MRPL43: variants seen among roughly 807,000 people sequenced by gnomAD.
MRPL43 encodes the protein mitochondrial ribosomal protein L43, also known as large ribosomal subunit protein mL43.
MRPL43 carries 9 observed loss-of-function variants against 12.7 expected under a neutral mutation model. That is an observed-to-expected ratio of 0.71 (90% CI 0.43 to 1.24). MRPL43 has a LOEUF of 1.24. Among genes scored for constraint, MRPL43 ranks in the 50% most tolerant of loss-of-function variants. The pLI, the probability that MRPL43 is intolerant of heterozygous loss-of-function variation, is 0.00. For synonymous variants in MRPL43, 116 were observed against 96.4 expected, an observed-to-expected ratio of 1.20 and a Z score of -1.19; for missense variants, 211 against 229.2, an observed-to-expected ratio of 0.92 and a Z score of 0.51.
rs768225192 is a variant in MRPL43, at chr10:100,987,293, G to T, written c.131+20C>A. ...TCCACACCCACCCCGACCCGCGCCT[G>T]CGCACTTCCCTTGGCTCACCTGGCG... On this transcript the variant is annotated intron_variant, in intron 1 of 2. Transcript: ENST00000318364. 6.2e-7 allele frequency: 1 copy of T among 1,612,016 alleles called. No homozygotes were observed. Among genetic ancestry groups the T allele is most frequent in the Admixed American group, 1.7e-5 (1 of 60,000 alleles).
chr10:100,978,654 G>A, downstream of MRPL43: 1 of 1,608,716 alleles, frequency 6.2e-7, no homozygotes, highest in Non-Finnish European at 8.5e-7. Context: ...AGGAGGATGA[G>A]GCACAGGATG....
chr10:100,979,245 T>C (rs759995340), downstream of MRPL43: 2 of 1,614,112 alleles, frequency 1.2e-6, no homozygotes, highest in African/African-American at 1.3e-5. Context: ...CACACTTCTA[T>C]GCAGCCTTCA....
downstream of MRPL43, chr10:100,984,645 C>T (rs1247539943): frequency 6.5e-7 from 1 of 1,536,226 alleles, no homozygotes; most frequent in Non-Finnish European, 8.7e-7. Context: ...GGCTGGGCTG[C>T]AGTGCCCCCA....
At chr10:100,982,575 T>A (rs148781047), downstream of MRPL43, among the ~76,000 whole-genome samples, 13 of 152,302 alleles carry the variant, frequency 8.5e-5, no homozygotes, top group Non-Finnish European at 1.5e-4. Flanking sequence ...GTGGATCACT[T>A]GAGGTCAGGA....
downstream of MRPL43, chr10:100,978,344 A>C (rs1215594471): frequency 1.6e-5 from 26 of 1,613,658 alleles, no homozygotes; most frequent in Non-Finnish European, 2.2e-5. Context: ...GGGAAGGAGA[A>C]GTGTCCTTAT....
chr10:100,980,174 C>A (rs766463475), downstream of MRPL43: 2 of 1,614,102 alleles, frequency 1.2e-6, no homozygotes, highest in African/African-American at 2.7e-5. Context: ...CAAGACTTGC[C>A]ATCCCTGGTC....
chr10:100,981,253 G>A (rs1385370497), downstream of MRPL43: 1 of 1,612,640 alleles, frequency 6.2e-7, no homozygotes, highest in Admixed American at 1.7e-5. Flanking sequence ...ATGAGTGTGG[G>A]TCTAGCTACG....
downstream of MRPL43, chr10:100,981,414 A>C (rs375866903): frequency 8.1e-6 from 13 of 1,613,632 alleles, no homozygotes; most frequent in Admixed American, 1.8e-4. Context: ...AATGAATTAT[A>C]AACTAGGAAA....
At chr10:100,978,646 G>C (rs368540784), downstream of MRPL43, 251 of 1,611,794 alleles carry the variant, frequency 1.6e-4, 1 homozygote, top group African/African-American at 3.2e-3. Context: ...CAATGGTTAG[G>C]AGGATGAGGC....
At chr10:100,984,818 C>T, downstream of MRPL43, 1 of 1,526,818 alleles carries the variant, frequency 6.5e-7, no homozygotes, top group Non-Finnish European at 8.8e-7. Flanking sequence ...GACTGCATCA[C>T]TCCCCTCCTC....
downstream of MRPL43, chr10:100,983,786 G>C (rs138067900): frequency 6.2e-7 from 1 of 1,607,440 alleles, no homozygotes; most frequent in Admixed American, 1.7e-5. Context: ...GAGGATCTGC[G>C]GTGCAACTGC....
At chr10:100,978,616 G>A, downstream of MRPL43, 1 of 1,614,074 alleles carries the variant, frequency 6.2e-7, no homozygotes, top group Non-Finnish European at 8.5e-7. Flanking sequence ...GAGAACTGAG[G>A]AGACACCAAT....
At chr10:100,984,237 A>C, downstream of MRPL43, 1 of 1,456,314 alleles carries the variant, frequency 6.9e-7, no homozygotes, top group East Asian at 2.5e-5. Context: ...CCCACTCCAT[A>C]CCCTTCTCCC....
chr10:100,981,626 T>C, downstream of MRPL43: 2 of 1,504,052 alleles, frequency 1.3e-6, no homozygotes, highest in Non-Finnish European at 1.8e-6. Context: ...TAAATACTTC[T>C]ATGCATGATG....
At chr10:100,981,591 AT>A, downstream of MRPL43, 1 of 1,606,032 alleles carries the variant, frequency 6.2e-7, no homozygotes, top group Non-Finnish European at 8.5e-7. Flanking sequence ...TGTATTAAGT[AT>A]TTACTGTGTG....
At chr10:100,983,693 C>T (rs1851254045), downstream of MRPL43, 1 of 1,613,556 alleles carries the variant, frequency 6.2e-7, no homozygotes, top group Non-Finnish European at 8.5e-7. Context: ...TCCTGGCCTC[C>T]TCCCTCCTCT....
downstream of MRPL43, chr10:100,978,658 C>T: frequency 6.2e-7 from 1 of 1,603,212 alleles, no homozygotes; most frequent in South Asian, 1.1e-5. Context: ...GGATGAGGCA[C>T]AGGATGATGG....
At chr10:100,980,969 A>G, downstream of MRPL43, 3 of 1,603,080 alleles carry the variant, frequency 1.9e-6, no homozygotes, top group East Asian at 6.7e-5. Flanking sequence ...AGCAGCCACC[A>G]CCATAGCCAA....
downstream of MRPL43, chr10:100,978,724 C>T (rs1850913467): frequency 1.3e-6 from 2 of 1,551,442 alleles, no homozygotes; most frequent in Non-Finnish European, 1.8e-6. Flanking sequence ...CCACCCCACC[C>T]CCAAATCCCC....
Sources: allele counts gnomAD v4.1 joint callset (sites outside exome capture counted in the v4.1 genomes callset), GRCh38; gene constraint gnomAD v4.1.1; transcripts MANE v1.5; gene names NCBI Gene and HGNC (gene_info 2026-07-23, HGNC 2026-07-21).